The following URB1 variants were observed in gnomAD, a reference collection of about 807,000 sequenced individuals.
URB1 encodes nucleolar pre-ribosomal-associated protein 1.
A neutral mutation model predicts 242.3 loss-of-function variants in URB1; 197 were observed. The observed-to-expected ratio is 0.81, with a 90% confidence interval of 0.72 to 0.91. The LOEUF is 0.91. URB1 is among the 40% of genes least tolerant of loss of function. The probability of loss-of-function intolerance (pLI) is 0.00; values close to 1 mark genes in which losing one functional copy is unlikely to be tolerated. For synonymous variants in URB1, 1,153 were observed against 1,201.8 expected, an observed-to-expected ratio of 0.96 and a Z score of 0.84; for missense variants, 2,721 against 2,860.5, an observed-to-expected ratio of 0.95 and a Z score of 1.11.
At position 32,338,820 on chromosome 21, in the gene URB1, C is replaced by A. The variant is rs776814877; in HGVS notation, c.4397G>T (p.Arg1466Leu). Residue 1466 changes from arginine (R) to leucine (L), a missense_variant, in exon 26 of 39, where the codon CGC becomes CTC. Arg to Leu is a moderately radical substitution (Grantham distance 102). Transcript: ENST00000382751. ...CACCGGGAGCTGGATGAGCTTCGTGCGCACGGAGCTTTCTGGGCTGTACAG... is the reference window on the plus strand; with the variant it reads ...CACCGGGAGCTGGATGAGCTTCGTGAGCACGGAGCTTTCTGGGCTGTACAG... ...QLLYSPESSV[R>L]TKLIQLPVVY... The A allele has an allele frequency of 5.2e-6, 8 of 1,551,462 alleles. No homozygotes were observed. The highest frequency in any genetic ancestry group is 1.2e-5 in the South Asian group (1 of 84,044).
chr21:32,376,889 C>G (rs1199201641), intron 5 of URB1, among the ~76,000 whole-genome samples: 1 of 151,936 alleles, frequency 6.6e-6, no homozygotes, highest in African/African-American at 2.4e-5. Flanking sequence ...CAAGAACTCC[C>G]GGGCTCAAGC....
Position 32,362,003 on chromosome 21 carries a change from T to C in URB1, c.1528A>G (p.Thr510Ala), listed in dbSNP as rs767908539. 8 of 1,551,542 alleles carry C rather than the reference T, an allele frequency of 5.2e-6. No individual in the cohort carries two copies. In the South Asian group the frequency reaches 8.3e-5, roughly 16 times the overall value. Reference protein sequence around the residue: ...ALSKILPDLNTVVWVWQSLKK... With the variant: ...ALSKILPDLNAVVWVWQSLKK... Reference sequence around the variant, plus strand: ...AGTGACTGCCAGACCCACACGACAGTGTTCAGGTCTGGCAAAATCTAAATG... The same window carrying C: ...AGTGACTGCCAGACCCACACGACAGCGTTCAGGTCTGGCAAAATCTAAATG... The change falls in exon 12 of 39, where the codon ACT becomes GCT. Residue 510 changes from threonine (T) to alanine (A), a missense_variant. Thr to Ala is a moderately conservative substitution (Grantham distance 58). Transcript: ENST00000382751.
In URB1 at chr21:32,352,707, C is replaced by T; in HGVS notation, c.2613+3G>A. ...AGTGACCACAGCTGTGGCTGCAGCT[C>T]ACCCAGGCCTCTCGGGCTTGCTCCG... On this transcript the variant is annotated splice_donor_region_variant and intron_variant, in intron 19 of 38. Coordinates refer to ENST00000382751, the MANE Select transcript of URB1 (RefSeq NM_014825.3). 6.4e-7 allele frequency: 1 copy of T among 1,550,868 alleles called. No homozygotes were observed. Among genetic ancestry groups the T allele is most frequent in the Non-Finnish European group, 8.7e-7 (1 of 1,146,874 alleles).
rs202147616 is a variant in URB1 at position 32,338,845 on chromosome 21, G to T, written c.4372C>A (p.Leu1458Met). ...LKMLLTAVQL[L>M]YSPESSVRTK... ...CGCACGGAGCTTTCTGGGCTGTACA[G>T]GAGCTGTACGGCGGTGAGGAGCATC... The change falls in exon 26 of 39, where the codon CTG becomes ATG. Residue 1458 changes from leucine to methionine, a missense_variant. Transcript: ENST00000382751. 140 of 1,551,706 alleles carry T rather than the reference G, an allele frequency of 9.0e-5. No individual in the cohort carries two copies. The highest frequency in any genetic ancestry group is 1.2e-4 in the Non-Finnish European group (135 of 1,147,028).
chr21:32,368,365 GCTTAGC>G (rs2033369029), intron 9 of URB1, 32 bp downstream of exon 9: 4 of 1,493,378 alleles, frequency 2.7e-6, no homozygotes, highest in African/African-American at 1.4e-5. Flanking sequence ...ACCACGCCCA[GCTTAGC>G]TAACAGACTT....
intron 4 of URB1, 124 bp from the exon 5 acceptor site, chr21:32,378,665 A>G (rs2033487403): frequency 2.6e-6 from 2 of 769,504 alleles, no homozygotes; most frequent in Non-Finnish European, 4.4e-6. Context: ...CCTTGTCCCC[A>G]GTCACCAGGG....
intron 25 of URB1, among the ~76,000 whole-genome samples, chr21:32,341,039 T>G (rs2033023622): frequency 1.3e-5 from 2 of 152,120 alleles, no homozygotes; most frequent in African/African-American, 4.8e-5. Context: ...TGTAAAATGT[T>G]AAACACGCTA....
intron 5 of URB1, among the ~76,000 whole-genome samples, chr21:32,376,641 GTTT>G (rs1555841819): frequency 6.6e-6 from 1 of 151,778 alleles, no homozygotes; most frequent in Non-Finnish European, 1.5e-5. Context: ...AGTGCAGCAT[GTTT>G]TTTTTCTTTT....
At position 32,321,862 on chromosome 21, in the gene URB1, C is replaced by A; in HGVS notation, c.5423G>T (p.Arg1808Leu). The A allele has an allele frequency of 6.4e-7, 1 of 1,551,716 alleles. No individual in the cohort carries two copies. Residue 1808 changes from arginine (R) to leucine (L), a missense_variant, in exon 34 of 39, where the codon CGT becomes CTT. By Grantham distance (102) the Arg-to-Leu change is moderately radical (BLOSUM62 -2). Coordinates refer to ENST00000382751, the MANE Select transcript of URB1 (RefSeq NM_014825.3). ...DKQCYELCAR[R>L]GIFHIILSFF... ...GGACAGGATGATGTGGAAGATGCCA[C>A]GCCGGGCACACAGTTCGTAGCACTG...
At position 32,347,034 on chromosome 21, in the gene URB1, C is replaced by T. The variant is rs77503870; in HGVS notation, c.3790G>A (p.Asp1264Asn). ...ATGAGGGGAAGGAAGTCGTCCAGGT[C>T]CCCCTGGAGGCCGAGCCCTGGGCCA... ...QAGPGLGLQG[D>N]LDDFLPLIHV... The change falls in exon 22 of 39, where the codon GAC (aspartate) becomes AAC (asparagine). Residue 1264 changes from aspartate to asparagine, a missense_variant. Transcript: ENST00000382751. 6 of 1,549,352 alleles carry T rather than the reference C, an allele frequency of 3.9e-6. No homozygotes were observed. In the South Asian group the frequency reaches 6.0e-5, roughly 15 times the overall value.
chr21:32,345,400 C>T lies in URB1; in HGVS notation c.4044G>A (p.Leu1348=), dbSNP rs1409435833. The change falls in exon 23 of 39, where the codon TTG becomes TTA. Residue 1348 remains leucine, a synonymous_variant. Coordinates refer to ENST00000382751, the MANE Select transcript of URB1 (RefSeq NM_014825.3). The part of the protein sequence containing the change: ...LSVLMDRLPS[L]LHTPSSHKRW... ...TCTTGTGACTGCTTGGGGTGTGAAG[C>T]AAGCTGGGCAGGCGGTCCATGAGTA... is the stretch of plus-strand genomic sequence containing the variant. The T allele has an allele frequency of 6.4e-7, 1 of 1,551,258 alleles. No individual in the cohort carries two copies. Among genetic ancestry groups the T allele is most frequent in the Admixed American group, 2.0e-5 (1 of 50,954 alleles).
intron 36 of URB1, among the ~76,000 whole-genome samples, chr21:32,318,683 G>GT (rs2032723745): frequency 6.6e-6 from 1 of 152,174 alleles, no homozygotes; most frequent in Non-Finnish European, 1.5e-5. Context: ...CTGTAACATG[G>GT]TAGAATTGGA....
intron 4 of URB1, among the ~76,000 whole-genome samples, chr21:32,383,012 CT>C (rs371439031): frequency 6.6e-6 from 1 of 152,200 alleles, no homozygotes; most frequent in Non-Finnish European, 1.5e-5. Context: ...ACGTCACTGG[CT>C]TAGAGCTTCA....
intron 21 of URB1, among the ~76,000 whole-genome samples, chr21:32,348,563 G>A (rs1037536141): frequency 4.6e-5 from 7 of 152,080 alleles, no homozygotes; most frequent in East Asian, 1.9e-4. Flanking sequence ...CCGATTCCTC[G>A]CCAACGACAC....
rs1568814971 is a variant in URB1 at position 32,337,387 on chromosome 21, AG to A, written c.4621+16del. On this transcript the variant is annotated intron_variant, in intron 27 of 38. Transcript: ENST00000382751. ...CTCCCTCCCCCTGCTCACACTACCCAGCCCTCACACCCTCACCTAGGACGCT... is the reference window on the plus strand; with the variant it reads ...CTCCCTCCCCCTGCTCACACTACCCACCCTCACACCCTCACCTAGGACGCT... 1 of 1,545,084 alleles carries A rather than the reference AG, an allele frequency of 6.5e-7. No individual in the cohort carries two copies. Among genetic ancestry groups the A allele is most frequent in the Non-Finnish European group, 8.8e-7 (1 of 1,142,074 alleles).
At chr21:32,372,735 A>G in intron 7 of URB1, 104 bp from the exon 8 acceptor site, 1 of 1,260,384 alleles carries the variant, frequency 7.9e-7, no homozygotes, top group Non-Finnish European at 1.1e-6. Context: ...GACAATTTAG[A>G]AAACATTTTA....
intron 20 of URB1, 70 bp downstream of exon 20, chr21:32,350,634 C>A (rs543363590): frequency 6.6e-7 from 1 of 1,504,948 alleles, no homozygotes; most frequent in African/African-American, 1.4e-5. Flanking sequence ...GCTGTGGGCC[C>A]GACTCAGAGA....
Position 32,336,273 on chromosome 21 carries a change from T to A in URB1, c.4685+821A>T, listed in dbSNP as rs79722672. The stretch of plus-strand genomic sequence containing the variant: ...GAGATAGCTTCTGGGCTGATACAGC[T>A]CTAATCTTTAAACAAAGTACTTTGA... On this transcript the variant is annotated intron_variant, in intron 28 of 38. Transcript: ENST00000382751. Among the ~76,000 whole-genome samples the A allele has an allele frequency of 8.0e-3, 1,216 of 152,132 alleles. 20 individuals carry two copies. Among genetic ancestry groups the A allele is most frequent in the African/African-American group, 0.027 (1,128 of 41,480 alleles).
rs1485232207 is a variant in URB1 at position 32,319,221 on chromosome 21, G to T, written c.5788C>A (p.Leu1930Met). Residue 1930 changes from leucine to methionine, a missense_variant, in exon 36 of 39, where the codon CTG becomes ATG. Physicochemically the swap from Leu to Met is conservative, Grantham distance 15 (BLOSUM62 2). Coordinates refer to ENST00000382751, the MANE Select transcript of URB1 (RefSeq NM_014825.3). Reference sequence around the variant, plus strand: ...CCTGGCGGGGGCAGGACTCACCTCAGGTGCTTCATGAGCACGATGAGAACA... The same window carrying T: ...CCTGGCGGGGGCAGGACTCACCTCATGTGCTTCATGAGCACGATGAGAACA... Reference protein sequence around the residue: ...LYVLIVLMKHLRPTLAPVQLT... With the variant: ...LYVLIVLMKHMRPTLAPVQLT... The T allele has an allele frequency of 1.9e-6, 3 of 1,549,132 alleles. No homozygotes were observed. The Admixed American group carries it at 5.9e-5, about 31-fold the overall frequency.
Sources: gnomAD v4.1 joint callset for allele counts (sites outside exome capture counted in the v4.1 genomes callset) on GRCh38, gnomAD v4.1.1 for gene constraint, MANE v1.5 for transcripts, NCBI Gene and HGNC (gene_info 2026-07-23, HGNC 2026-07-21) for gene names.